TLL1: variants seen among roughly 807,000 people sequenced by gnomAD.
TLL1 encodes the protein tolloid like 1.
TLL1 carries 49 observed loss-of-function variants against 128.2 expected under a neutral mutation model. The ratio of observed to expected loss-of-function variants is 0.38; its 90% confidence interval spans 0.30 to 0.48. The LOEUF is 0.48. TLL1 is among the 20% of genes least tolerant of loss of function. The pLI, the probability that TLL1 is intolerant of heterozygous loss-of-function variation, is 0.96. For synonymous variants in TLL1, 454 were observed against 418.8 expected (o/e 1.08, Z -1.03); for missense variants, 1,123 against 1,242.0 (o/e 0.90, Z 1.44).
chr4:165,915,986 T>G (rs1168030393), intron 1 of TLL1, among the ~76,000 whole-genome samples: 1 of 152,200 alleles, frequency 6.6e-6, no homozygotes, highest in Non-Finnish European at 1.5e-5. Flanking sequence ...AACAAATAAT[T>G]AAACCAATTA....
chr4:165,930,127 T>G (rs1377158945), intron 1 of TLL1, among the ~76,000 whole-genome samples: 1 of 152,144 alleles, frequency 6.6e-6, no homozygotes, highest in Non-Finnish European at 1.5e-5. Flanking sequence ...CTTTTTAATC[T>G]GGATTGAGCT....
intron 12 of TLL1, among the ~76,000 whole-genome samples, chr4:166,044,000 A>C (rs1739352683): frequency 6.6e-6 from 1 of 152,176 alleles, no homozygotes; most frequent in Non-Finnish European, 1.5e-5. Context: ...GTCTGGGTCC[A>C]GAACTAACAC....
At position 166,016,090 on chromosome 4, in the gene TLL1, A is replaced by G. The variant is rs1382255047; in HGVS notation, c.1042+1530A>G. Among the ~76,000 whole-genome samples, 7 of 152,122 alleles carry G rather than the reference A, an allele frequency of 4.6e-5. No individual in the cohort carries two copies. In the East Asian group the frequency reaches 1.4e-3, roughly 29 times the overall value. ...TCTACTTAATATTCATTAATTTATT[A>G]CTTCATGCTGTTTACTGAAGTTGCA... On this transcript the variant is annotated intron_variant, in intron 8 of 20. Transcript: ENST00000061240.
intron 10 of TLL1, among the ~76,000 whole-genome samples, chr4:166,041,487 G>T (rs1231470652): frequency 2.6e-5 from 4 of 151,914 alleles, no homozygotes; most frequent in African/African-American, 9.7e-5. Context: ...TTTTAGTAGA[G>T]ACAGGGTTTC....
chr4:166,044,313 C>T, intron 12 of TLL1: 7 of 1,492,814 alleles, frequency 4.7e-6, no homozygotes, highest in Non-Finnish European at 6.3e-6. Flanking sequence ...ACTATGAACA[C>T]TACTTACTGA....
intron 18 of TLL1, among the ~76,000 whole-genome samples, chr4:166,078,522 C>T (rs1002019324): frequency 6.6e-6 from 1 of 152,088 alleles, no homozygotes; most frequent in Admixed American, 6.6e-5. Flanking sequence ...GCCCTCTGTA[C>T]AAAGATCCTG....
intron 1 of TLL1, among the ~76,000 whole-genome samples, chr4:165,909,507 G>A (rs1234805252): frequency 6.6e-6 from 1 of 152,184 alleles, no homozygotes; most frequent in Admixed American, 6.5e-5. Context: ...CTTAGGTCTG[G>A]GACATTTCAG....
intron 1 of TLL1, among the ~76,000 whole-genome samples, chr4:165,935,566 G>C (rs1019135749): frequency 6.6e-6 from 1 of 152,120 alleles, no homozygotes; most frequent in Non-Finnish European, 1.5e-5. Context: ...TCAAGAAATA[G>C]AACATTTCCA....
intron 8 of TLL1, among the ~76,000 whole-genome samples, chr4:166,018,109 G>A (rs188459835): frequency 1.0e-3 from 155 of 152,184 alleles, no homozygotes; most frequent in Non-Finnish European, 6.6e-4. Flanking sequence ...GGGTTATAAA[G>A]CTGAGTATTC....
At chr4:166,009,741 A>C (rs773637492) in intron 7 of TLL1, among the ~76,000 whole-genome samples, 22 of 151,372 alleles carry the variant, frequency 1.5e-4, no homozygotes, top group Non-Finnish European at 3.1e-4. Context: ...TATTTAAATG[A>C]TTTTCAGGAA....
Position 165,992,893 on chromosome 4 carries a change from A to T in TLL1, c.361+9A>T. ...AAGAAGAATTGGCTTTGGTATATCAATGTTTAAAGTTGCAGACGCTTGACT... is the reference window on the plus strand; with the variant it reads ...AAGAAGAATTGGCTTTGGTATATCATTGTTTAAAGTTGCAGACGCTTGACT... On this transcript the variant is annotated intron_variant, in intron 3 of 20. Transcript: ENST00000061240. The T allele has an allele frequency of 6.2e-7, 1 of 1,611,038 alleles. No homozygotes were observed. The highest frequency in any genetic ancestry group is 8.5e-7 in the Non-Finnish European group (1 of 1,177,478).
chr4:165,953,629 TA>T (rs1734644296), intron 1 of TLL1, among the ~76,000 whole-genome samples: 1 of 9,756 alleles, frequency 1.0e-4, no homozygotes, highest in East Asian at 8.7e-4. Context: ...TGCTCTGTCA[TA>T]TATATATATA....
intron 1 of TLL1, among the ~76,000 whole-genome samples, chr4:165,965,060 GTTGA>G (rs1735302596): frequency 6.6e-6 from 1 of 151,946 alleles, no homozygotes; most frequent in Non-Finnish European, 1.5e-5. Flanking sequence ...ATGAAATTAT[GTTGA>G]TTGATGTTAT....
In TLL1 at chr4:166,013,555, T is replaced by A. The variant is rs540337838; in HGVS notation, c.918-881T>A. Reference sequence around the variant, plus strand: ...TTTATAGAAAGGTTTTTTGTTGTTGTTTGTTTTTGGTAAATCCACAAACAC... The same window carrying A: ...TTTATAGAAAGGTTTTTTGTTGTTGATTGTTTTTGGTAAATCCACAAACAC... On this transcript the variant is annotated intron_variant, in intron 7 of 20. Transcript: ENST00000061240. Among the ~76,000 whole-genome samples the A allele has an allele frequency of 2.0e-4, 31 of 151,960 alleles. No homozygotes were observed. In the South Asian group the frequency reaches 6.4e-3, roughly 31 times the overall value.
intron 12 of TLL1, among the ~76,000 whole-genome samples, chr4:166,048,786 G>T (rs1249276282): frequency 1.3e-5 from 2 of 152,092 alleles, no homozygotes; most frequent in Non-Finnish European, 2.9e-5. Context: ...TAGTTCAAAC[G>T]GTATTAAGTT....
chr4:165,954,260 G>T (rs1252823347), intron 1 of TLL1, among the ~76,000 whole-genome samples: 1 of 152,052 alleles, frequency 6.6e-6, no homozygotes. Flanking sequence ...TTGACTATTT[G>T]TCTGAAATAC....
At chr4:166,043,517 A>G (rs1045573084) in intron 12 of TLL1, 98 bp downstream of exon 12, 2 of 1,557,606 alleles carry the variant, frequency 1.3e-6, no homozygotes, top group African/African-American at 2.7e-5. Flanking sequence ...ACAGAGAGTC[A>G]GCCTTTTAAT....
intron 1 of TLL1, chr4:165,919,885 C>T: frequency 2.2e-6 from 1 of 454,178 alleles, no homozygotes. Context: ...TGCCCGAGCC[C>T]TTGAAGTTCA....
intron 1 of TLL1, among the ~76,000 whole-genome samples, chr4:165,932,205 CT>C (rs1312774437): frequency 6.6e-6 from 1 of 152,162 alleles, no homozygotes; most frequent in African/African-American, 2.4e-5. Flanking sequence ...GAGATTCACC[CT>C]ATTCTGCTTT....
Sources: allele counts gnomAD v4.1 joint callset (sites outside exome capture counted in the v4.1 genomes callset), GRCh38; gene constraint gnomAD v4.1.1; transcripts MANE v1.5; gene names NCBI Gene and HGNC (gene_info 2026-07-23, HGNC 2026-07-21).